EEPD1: variants seen among roughly 807,000 people sequenced by gnomAD.
The protein encoded by EEPD1 is endonuclease/exonuclease/phosphatase family domain containing 1, also known as endonuclease/exonuclease/phosphatase family domain-containing protein 1.
In EEPD1, 17 loss-of-function variants were observed where a neutral mutation model predicts 46.3. The ratio of observed to expected loss-of-function variants is 0.37; its 90% CI spans 0.25 to 0.55. EEPD1 has a LOEUF of 0.55. Ranked by LOEUF, EEPD1 falls within the 20% of genes least tolerant of loss-of-function variation. The probability of loss-of-function intolerance (pLI) is 0.83; values close to 1 mark genes in which losing one functional copy is unlikely to be tolerated. For missense variants in EEPD1, 673 were observed against 745.6 expected (o/e 0.90, Z 1.13); for synonymous variants, 313 against 315.6 (o/e 0.99, Z 0.09).
chr7:36,243,488 C>T (rs1404363083), intron 3 of EEPD1, among the ~76,000 whole-genome samples: 6 of 152,092 alleles, frequency 3.9e-5, no homozygotes, highest in Non-Finnish European at 7.3e-5. Context: ...CCTCAAACCT[C>T]TTTTACTGTC....
chr7:36,239,690 T>A (rs1361992486), intron 3 of EEPD1, among the ~76,000 whole-genome samples: 1 of 152,016 alleles, frequency 6.6e-6, no homozygotes, highest in Non-Finnish European at 1.5e-5. Flanking sequence ...GGATTGGGGA[T>A]TTTTTGCCAG....
intron 2 of EEPD1, among the ~76,000 whole-genome samples, chr7:36,185,470 C>G (rs1175392863): frequency 6.6e-6 from 1 of 152,304 alleles, no homozygotes; most frequent in Non-Finnish European, 1.5e-5. Flanking sequence ...ATTCTTGTAT[C>G]TGTCTGTTGG....
chr7:36,163,127 T>C (rs1015613246), intron 2 of EEPD1, among the ~76,000 whole-genome samples: 2 of 151,856 alleles, frequency 1.3e-5, no homozygotes, highest in African/African-American at 4.8e-5. Context: ...TTATGTTTCT[T>C]GAATGGGAAA....
intron 3 of EEPD1, among the ~76,000 whole-genome samples, chr7:36,254,662 C>A (rs1297258052): frequency 6.6e-6 from 1 of 152,148 alleles, no homozygotes; most frequent in Non-Finnish European, 1.5e-5. Context: ...ATTACTGGGT[C>A]AAATGGTATT....
chr7:36,186,919 A>G (rs1365163713), intron 2 of EEPD1, among the ~76,000 whole-genome samples: 1 of 152,248 alleles, frequency 6.6e-6, no homozygotes, highest in Non-Finnish European at 1.5e-5. Flanking sequence ...ACGATTGTAA[A>G]TATGGGAATT....
intron 3 of EEPD1, among the ~76,000 whole-genome samples, chr7:36,261,494 C>T (rs760128020): frequency 9.2e-5 from 14 of 152,216 alleles, no homozygotes; most frequent in Non-Finnish European, 1.9e-4. Context: ...ACAGCCATGA[C>T]GACAGGAGTT....
At chr7:36,233,237 A>G (rs1412566746) in intron 2 of EEPD1, among the ~76,000 whole-genome samples, 1 of 152,258 alleles carries the variant, frequency 6.6e-6, no homozygotes, top group Admixed American at 6.5e-5. Context: ...GGAGTGGCCA[A>G]TGGCCTTGAC....
At chr7:36,286,175 C>A (rs1256530444) in intron 5 of EEPD1, among the ~76,000 whole-genome samples, 1 of 152,148 alleles carries the variant, frequency 6.6e-6, no homozygotes. Context: ...TGAGAAAATG[C>A]TGGTTAGCCC....
At chr7:36,298,002 G>A (rs1001545839) in intron 7 of EEPD1, among the ~76,000 whole-genome samples, 2 of 152,258 alleles carry the variant, frequency 1.3e-5, no homozygotes, top group African/African-American at 4.8e-5. Flanking sequence ...CTAATGGGCA[G>A]CCAAGGCCAA....
chr7:36,247,511 A>G (rs1786660048), intron 3 of EEPD1, among the ~76,000 whole-genome samples: 2 of 152,262 alleles, frequency 1.3e-5, no homozygotes, highest in Non-Finnish European at 2.9e-5. Flanking sequence ...ACATGTGATT[A>G]TAAAGATACA....
intron 3 of EEPD1, among the ~76,000 whole-genome samples, chr7:36,270,998 T>A (rs547419798): frequency 7.1e-4 from 107 of 151,460 alleles, no homozygotes; most frequent in Admixed American, 2.0e-3. Flanking sequence ...TATTATTATT[T>A]TTTTTTGAGT....
intron 2 of EEPD1, among the ~76,000 whole-genome samples, chr7:36,222,518 G>T (rs924979403): frequency 3.9e-5 from 6 of 152,096 alleles, no homozygotes; most frequent in African/African-American, 1.4e-4. Flanking sequence ...CAGAAATATT[G>T]CACATTATAT....
At chr7:36,172,663 G>GT (rs1325476631) in intron 2 of EEPD1, among the ~76,000 whole-genome samples, 1 of 123,612 alleles carries the variant, frequency 8.1e-6, no homozygotes, top group East Asian at 2.6e-4. Flanking sequence ...TATCATTAGT[G>GT]TTAGTGTATT....
intron 2 of EEPD1, among the ~76,000 whole-genome samples, chr7:36,230,139 A>G (rs1201481597): frequency 1.3e-5 from 2 of 151,880 alleles, no homozygotes; most frequent in African/African-American, 4.8e-5. Flanking sequence ...TCATCTGTTC[A>G]TTCATCAGGC....
At position 36,289,701 on chromosome 7, in the gene EEPD1, A is replaced by T. The variant is rs1787397712; in HGVS notation, c.1315+1924A>T. ...AGTAGAGACGGGGTTTCACCGTGTT[A>T]GCCAGGATGGTCTCAATCTCCTGAC... is the stretch of plus-strand genomic sequence containing the variant. On this transcript the variant is annotated intron_variant, in intron 6 of 7. Coordinates refer to ENST00000242108, the MANE Select transcript of EEPD1 (RefSeq NM_030636.3). Among the ~76,000 whole-genome samples the T allele has an allele frequency of 2.0e-5, 3 of 152,278 alleles. No individual in the cohort carries two copies. In the South Asian group the frequency reaches 6.2e-4, roughly 32 times the overall value.
At position 36,238,969 on chromosome 7, in the gene EEPD1, AT is replaced by A. The variant is rs747001606; in HGVS notation, c.879-8del. The stretch of plus-strand genomic sequence containing the variant: ...TGATTTGTTTTCAAGTGTGGTTTTG[AT>A]TTTTTTTCTTACAGCATCAAGCTTC... On this transcript the variant is annotated splice_polypyrimidine_tract_variant and intron_variant, in intron 2 of 7. Transcript: ENST00000242108. 4 of 1,602,212 alleles carry A rather than the reference AT, an allele frequency of 2.5e-6. No homozygotes were observed. Among genetic ancestry groups the A allele is most frequent in the East Asian group, 2.2e-5 (1 of 44,530 alleles).
Position 36,201,656 on chromosome 7 carries a change from C to G in EEPD1, c.879-37329C>G, listed in dbSNP as rs569224165. Among the ~76,000 whole-genome samples, 12 of 152,252 alleles carry G rather than the reference C, an allele frequency of 7.9e-5. No homozygotes were observed. In the South Asian group the frequency reaches 1.7e-3, roughly 21 times the overall value. On this transcript the variant is annotated intron_variant, in intron 2 of 7. Coordinates refer to ENST00000242108, the MANE Select transcript of EEPD1 (RefSeq NM_030636.3). Reference sequence around the variant, plus strand: ...ACTCCCTTCCTACTGCCTTGCCTCCCCAGCTGTAAACCATCAACTCCTCTT... The same window carrying G: ...ACTCCCTTCCTACTGCCTTGCCTCCGCAGCTGTAAACCATCAACTCCTCTT...
rs975681940 is a variant in EEPD1 at position 36,154,265 on chromosome 7, C to G, written c.-60C>G. 6 of 1,535,582 alleles carry G rather than the reference C, an allele frequency of 3.9e-6. No individual in the cohort carries two copies. The highest frequency in any genetic ancestry group is 5.2e-6 in the Non-Finnish European group (6 of 1,147,314). The stretch of plus-strand genomic sequence containing the variant: ...TTGTACGGCCTACTGGGCTTCCTCC[C>G]TAGCCAGAGAGCTCTTCTGCAGTGG... On this transcript the variant is annotated 5_prime_UTR_variant, in exon 2 of 8. Transcript: ENST00000242108. The surrounding 1 kb of genome is among the most constrained non-coding windows in gnomAD (Gnocchi z 4.2).
intron 2 of EEPD1, among the ~76,000 whole-genome samples, chr7:36,230,577 G>T (rs1307841745): frequency 6.6e-6 from 1 of 152,148 alleles, no homozygotes; most frequent in Non-Finnish European, 1.5e-5. Context: ...TACCTGGAAT[G>T]CTCCTGTCCT....
Sources: allele counts gnomAD v4.1 joint callset (sites outside exome capture counted in the v4.1 genomes callset), GRCh38; gene constraint gnomAD v4.1.1; non-coding constraint Gnocchi (gnomAD v3.1); transcripts MANE v1.5; gene names NCBI Gene and HGNC (gene_info 2026-07-23, HGNC 2026-07-21).